The following CASZ1 variants were observed in gnomAD, a reference collection of about 807,000 sequenced individuals.
The protein encoded by CASZ1 is castor zinc finger 1.
A neutral mutation model predicts 135.2 loss-of-function variants in CASZ1; 28 were observed. The ratio of observed to expected loss-of-function variants is 0.21; its 90% CI spans 0.15 to 0.28. The LOEUF (loss-of-function observed/expected upper bound fraction) is 0.28. Among genes scored for constraint, CASZ1 ranks in the 10% least tolerant of loss-of-function variants. The pLI, the probability that CASZ1 is intolerant of heterozygous loss-of-function variation, is 1.00. For synonymous variants in CASZ1, 1,068 were observed against 1,073.4 expected (o/e 0.99, Z 0.10); for missense variants, 2,161 against 2,453.3 (o/e 0.88, Z 2.52).
chr1:10,652,442 G>A (rs1642625084), intron 11 of CASZ1: 1 of 152,280 alleles, frequency 6.6e-6, no homozygotes, highest in Non-Finnish European at 1.5e-5. Flanking sequence ...AGCATCAGTG[G>A]TTGTTGAATG....
intron 2 of CASZ1, among the ~76,000 whole-genome samples, chr1:10,722,847 A>C (rs1260180621): frequency 6.6e-6 from 1 of 151,320 alleles, no homozygotes; most frequent in Non-Finnish European, 1.5e-5. Context: ...TGGGGCAGAC[A>C]CTCTCCCCCC....
chr1:10,755,115 G>A lies in CASZ1; in HGVS notation c.-77+5586C>T, dbSNP rs1323097913. ...AGGCCTGAAGGGCAGAGAGCAAGCG[G>A]CAGTGGTGTGGGTGGGAACGTGGCA... On this transcript the variant is annotated intron_variant, in intron 2 of 20. Transcript: ENST00000377022. This position sits in a 1 kb window ranked among gnomAD's most constrained non-coding sequence, Gnocchi z 4.3. Among the ~76,000 whole-genome samples, 4 of 152,210 alleles carry A rather than the reference G, an allele frequency of 2.6e-5. No individual in the cohort carries two copies. Among genetic ancestry groups the A allele is most frequent in the African/African-American group, 9.6e-5 (4 of 41,458 alleles).
In CASZ1 at chr1:10,782,781, C is replaced by T. The variant is rs548335788; in HGVS notation, c.-234+13783G>A. Among the ~76,000 whole-genome samples, 10 of 151,860 alleles carry T rather than the reference C, an allele frequency of 6.6e-5. No individual in the cohort carries two copies. In the South Asian group the frequency reaches 1.2e-3, roughly 19 times the overall value. On this transcript the variant is annotated intron_variant, in intron 1 of 20. Coordinates refer to ENST00000377022, the MANE Select transcript of CASZ1 (RefSeq NM_001079843.3). ...GGTCACCTGGGGGAGGGGGCTGGGC[C>T]GTCCCTGGGAGGGGGGAAGGCTGGG...
At chr1:10,689,693 C>T (rs925822218) in intron 4 of CASZ1, among the ~76,000 whole-genome samples, 8 of 152,190 alleles carry the variant, frequency 5.3e-5, no homozygotes, top group Non-Finnish European at 1.0e-4. Context: ...ACTTCACAGC[C>T]CAGAGCTGCC....
At chr1:10,723,377 C>T (rs1639539523) in intron 2 of CASZ1, among the ~76,000 whole-genome samples, 1 of 152,204 alleles carries the variant, frequency 6.6e-6, no homozygotes, top group Admixed American at 6.5e-5. Flanking sequence ...TGTGGGGGCT[C>T]TCACTGTGCC....
intron 6 of CASZ1, 82 bp from the exon 7 acceptor site, chr1:10,658,658 C>A: frequency 8.2e-7 from 1 of 1,219,818 alleles, no homozygotes; most frequent in Non-Finnish European, 1.2e-6. Context: ...GCAGCCCCTG[C>A]CCTGAGGCCC....
chr1:10,740,611 G>A (rs1471477744), intron 2 of CASZ1, among the ~76,000 whole-genome samples: 2 of 152,148 alleles, frequency 1.3e-5, no homozygotes, highest in African/African-American at 4.8e-5. Context: ...AGCAGGAGGT[G>A]GAGGAAGAGA....
In CASZ1 at chr1:10,742,473, C is replaced by T. The variant is rs576574537; in HGVS notation, c.-77+18228G>A. Among the ~76,000 whole-genome samples the T allele has an allele frequency of 4.4e-4, 67 of 152,304 alleles. No individual in the cohort carries two copies. The South Asian group carries it at 0.013, about 30-fold the overall frequency. On this transcript the variant is annotated intron_variant, in intron 2 of 20. Coordinates refer to ENST00000377022, the MANE Select transcript of CASZ1 (RefSeq NM_001079843.3). ...GCAGAGATTCCAGCCAGGCCTGAGT[C>T]CATTCTCTCCCCAGTCCCTGGCCTG...
rs753815288 is a variant in CASZ1 at position 10,639,418 on chromosome 1, C to T, written c.4804G>A (p.Glu1602Lys). Residue 1602 changes from glutamate (E) to lysine (K), a missense_variant, in exon 21 of 21, where the codon GAG (glutamate) becomes AAG (lysine). This residue lies in a region of CASZ1 where 240 missense variants were observed against 321.4 expected (regional missense o/e 0.75). Coordinates refer to ENST00000377022, the MANE Select transcript of CASZ1 (RefSeq NM_001079843.3). The surrounding 1 kb of genome is among the most constrained non-coding windows in gnomAD (Gnocchi z 4.0). ...KRKHEKQERG[E>K]PAAEGPAPGP... ...GGCGCGGGGCCCTCTGCCGCGGGCT[C>T]GCCGCGCTCCTGCTTCTCGTGCTTG... 11 of 1,556,220 alleles carry T rather than the reference C, an allele frequency of 7.1e-6. No homozygotes were observed. Among genetic ancestry groups the T allele is most frequent in the South Asian group, 1.2e-5 (1 of 84,730 alleles).
At position 10,701,602 on chromosome 1, in the gene CASZ1, A is replaced by C. The variant is rs1639062541; in HGVS notation, c.-24+3890T>G. Among the ~76,000 whole-genome samples the C allele has an allele frequency of 6.6e-6, 1 of 152,208 alleles. No homozygotes were observed. Among genetic ancestry groups the C allele is most frequent in the Non-Finnish European group, 1.5e-5 (1 of 68,036 alleles). On this transcript the variant is annotated intron_variant, in intron 3 of 20. Coordinates refer to ENST00000377022, the MANE Select transcript of CASZ1 (RefSeq NM_001079843.3). The surrounding 1 kb of genome is among the most constrained non-coding windows in gnomAD (Gnocchi z 6.3). Reference sequence around the variant, plus strand: ...AGGGAGAACAGTGCGGGAGAGAGGAAGTACCACCAGGGCTAAGGGGAGCTT... The same window carrying C: ...AGGGAGAACAGTGCGGGAGAGAGGACGTACCACCAGGGCTAAGGGGAGCTT...
At chr1:10,734,249 C>T (rs1639753238) in intron 2 of CASZ1, among the ~76,000 whole-genome samples, 1 of 147,222 alleles carries the variant, frequency 6.8e-6, no homozygotes, top group African/African-American at 2.5e-5. Context: ...AGCACCGAAA[C>T]TCCAAGTCAC....
chr1:10,638,381 G>C lies in CASZ1; in HGVS notation c.*561C>G, dbSNP rs984704845. 2 of 152,180 alleles carry C rather than the reference G, an allele frequency of 1.3e-5. No homozygotes were observed. The highest frequency in any genetic ancestry group is 4.1e-4 in the South Asian group (2 of 4,832). The allele number at this position is 152,180 out of a possible 1,614,324, so 9.4% of individuals were successfully genotyped here. ...GGGGAGCAGCCGGGCCCTGGGGTGG[G>C]GCTGAGCTGGAGCTCCGCGGCTGCT... On this transcript the variant is annotated 3_prime_UTR_variant, in exon 21 of 21. Transcript: ENST00000377022. This position sits in a 1 kb window ranked among gnomAD's most constrained non-coding sequence, Gnocchi z 5.9.
At position 10,712,925 on chromosome 1, in the gene CASZ1, C is replaced by A. The variant is rs539297154; in HGVS notation, c.-76-7381G>T. ...GGGTCTGAGTCGATGACTTCCCCAC[C>A]CACAGGGCTCCAGGGCTTCCCAAGG... On this transcript the variant is annotated intron_variant, in intron 2 of 20. Transcript: ENST00000377022. Among the ~76,000 whole-genome samples the A allele has an allele frequency of 2.0e-5, 3 of 152,334 alleles. No homozygotes were observed. In the South Asian group the frequency reaches 6.2e-4, roughly 32 times the overall value.
chr1:10,688,159 A>G lies in CASZ1; in HGVS notation c.16+5715T>C, dbSNP rs942944449. Among the ~76,000 whole-genome samples the G allele has an allele frequency of 3.3e-5, 5 of 152,144 alleles. No individual in the cohort carries two copies. The East Asian group carries it at 9.7e-4, about 29-fold the overall frequency. On this transcript the variant is annotated intron_variant, in intron 4 of 20. Coordinates refer to ENST00000377022, the MANE Select transcript of CASZ1 (RefSeq NM_001079843.3). ...GGAGCAGCCGTGGCAGAGGAAAACA[A>G]GGGCCCTGGCCTCCTGGGGATCAGG...
chr1:10,736,706 C>T (rs962654333), intron 2 of CASZ1, among the ~76,000 whole-genome samples: 5 of 152,184 alleles, frequency 3.3e-5, no homozygotes, highest in African/African-American at 7.2e-5. Flanking sequence ...TGCCAGGCCA[C>T]GTGGGAAATA....
At position 10,665,305 on chromosome 1, in the gene CASZ1, C is replaced by T; in HGVS notation, c.283G>A (p.Glu95Lys). The T allele has an allele frequency of 6.2e-7, 1 of 1,612,890 alleles. No individual in the cohort carries two copies. Among genetic ancestry groups the T allele is most frequent in the Non-Finnish European group, 8.5e-7 (1 of 1,179,270 alleles). ...RAVIEKWVNGEYSEEPAPTPV... is the reference protein window; with the variant it reads ...RAVIEKWVNGKYSEEPAPTPV... Reference sequence around the variant, plus strand: ...GTGGGTGCCGGCTCCTCGCTGTACTCCCCGTTCACCCACTTCTCGATCACT... The same window carrying T: ...GTGGGTGCCGGCTCCTCGCTGTACTTCCCGTTCACCCACTTCTCGATCACT... Residue 95 changes from glutamate (E) to lysine (K), a missense_variant, in exon 5 of 21, where the codon GAG (glutamate) becomes AAG (lysine). Around this residue, in one of 7 missense-constraint regions of CASZ1, gnomAD observed 590 missense variants for 609.8 expected, o/e 0.97. Transcript: ENST00000377022.
rs554153745 is a variant in CASZ1 at position 10,715,423 on chromosome 1, G to C, written c.-76-9879C>G. Among the ~76,000 whole-genome samples, 4 of 152,058 alleles carry C rather than the reference G, an allele frequency of 2.6e-5. No individual in the cohort carries two copies. The South Asian group carries it at 8.3e-4, about 31-fold the overall frequency. Reference sequence around the variant, plus strand: ...TCGTGCCATTAGGAAGGGACAAGGAGCCTGGGAGCAGCCGGGCAGAGAGAG... The same window carrying C: ...TCGTGCCATTAGGAAGGGACAAGGACCCTGGGAGCAGCCGGGCAGAGAGAG... On this transcript the variant is annotated intron_variant, in intron 2 of 20. Transcript: ENST00000377022.
At chr1:10,770,273 C>T (rs1222949911) in intron 1 of CASZ1, among the ~76,000 whole-genome samples, 1 of 152,002 alleles carries the variant, frequency 6.6e-6, no homozygotes, top group Non-Finnish European at 1.5e-5. Context: ...TTTGTTGAGA[C>T]AGGGTTTTGC....
At position 10,638,383 on chromosome 1, in the gene CASZ1, C is replaced by T. The variant is rs1035313608; in HGVS notation, c.*559G>A. 1 of 152,204 alleles carries T rather than the reference C, an allele frequency of 6.6e-6. No individual in the cohort carries two copies. The highest frequency in any genetic ancestry group is 1.5e-5 in the Non-Finnish European group (1 of 68,076). 9.4% of individuals were successfully genotyped at this position (152,204 alleles called of 1,614,324 possible). A position where few individuals can be genotyped will look rare whatever the true frequency, so the allele number is the denominator to read the frequency against. On this transcript the variant is annotated 3_prime_UTR_variant, in exon 21 of 21. Transcript: ENST00000377022. The surrounding 1 kb of genome is among the most constrained non-coding windows in gnomAD (Gnocchi z 5.9). ...GGAGCAGCCGGGCCCTGGGGTGGGG[C>T]TGAGCTGGAGCTCCGCGGCTGCTAC...
Sources: allele counts gnomAD v4.1 joint callset (sites outside exome capture counted in the v4.1 genomes callset), GRCh38; gene constraint gnomAD v4.1.1; regional missense constraint gnomAD v4.1.1; non-coding constraint Gnocchi (gnomAD v3.1); transcripts MANE v1.5; gene names NCBI Gene and HGNC (gene_info 2026-07-23, HGNC 2026-07-21).